The following CCDC93 variants were observed in gnomAD, a reference collection of about 807,000 sequenced individuals.
CCDC93 encodes the protein coiled-coil domain-containing protein 93.
A neutral mutation model predicts 108.2 loss-of-function variants in CCDC93; 61 were observed. The observed-to-expected ratio is 0.56, with a 90% CI of 0.46 to 0.70. CCDC93 has a LOEUF of 0.70. CCDC93 is among the 30% of genes least tolerant of loss of function. CCDC93 has a pLI of 0.00. For synonymous variants in CCDC93, 276 were observed against 260.4 expected, an observed-to-expected ratio of 1.06 and a Z score of -0.58; for missense variants, 685 against 764.2, an observed-to-expected ratio of 0.90 and a Z score of 1.22.
chr2:117,980,929 C>T (rs958785431), intron 7 of CCDC93, among the ~76,000 whole-genome samples: 1 of 152,278 alleles, frequency 6.6e-6, no homozygotes, highest in African/African-American at 2.4e-5. Flanking sequence ...CTGGAGATTT[C>T]ATAGAAATGA....
At position 117,996,122 on chromosome 2, in the gene CCDC93, G is replaced by A. The variant is rs139195129; in HGVS notation, c.462+142C>T. On this transcript the variant is annotated intron_variant, in intron 5 of 23. Transcript: ENST00000376300. ...AAAATTATAGAGCTTTGCACTCAGT[G>A]GCTATGTAAAGAAGCACTAATGATG... is the stretch of plus-strand genomic sequence containing the variant. 9 of 529,900 alleles carry A rather than the reference G, an allele frequency of 1.7e-5. No homozygotes were observed. The East Asian group carries it at 2.6e-4, about 16-fold the overall frequency. The allele number at this position is 529,900 out of a possible 1,614,324, so 32.8% of individuals were successfully genotyped here.
At chr2:117,951,172 C>G in intron 13 of CCDC93, 2 of 985,262 alleles carry the variant, frequency 2.0e-6, no homozygotes, top group Non-Finnish European at 2.4e-6. Context: ...TATACAAAGA[C>G]AGATCCACGA....
At chr2:117,950,506 A>G (rs1232771872) in intron 13 of CCDC93, 5 of 985,256 alleles carry the variant, frequency 5.1e-6, no homozygotes, top group African/African-American at 1.7e-5. Context: ...CTCCATGCCC[A>G]GCTCTACTTT....
At chr2:117,978,121 A>C in intron 7 of CCDC93, 91 bp from the exon 8 acceptor site, 4 of 1,142,960 alleles carry the variant, frequency 3.5e-6, no homozygotes, top group Non-Finnish European at 5.3e-6. Flanking sequence ...TACATGAAAA[A>C]CATCAAGAGA....
At chr2:117,985,424 G>T in intron 7 of CCDC93, 1 of 970,318 alleles carries the variant, frequency 1.0e-6, no homozygotes, top group Non-Finnish European at 1.2e-6. Context: ...GAGAATGCGT[G>T]ACATAAAAGG....
chr2:117,926,429 A>C (rs1183301897), intron 23 of CCDC93, among the ~76,000 whole-genome samples: 1 of 152,254 alleles, frequency 6.6e-6, no homozygotes, highest in African/African-American at 2.4e-5. Context: ...AAAAATAATA[A>C]AGGGGATATC....
intron 23 of CCDC93, among the ~76,000 whole-genome samples, chr2:117,921,223 C>T (rs1391468623): frequency 6.6e-6 from 1 of 150,674 alleles, no homozygotes; most frequent in African/African-American, 2.4e-5. Context: ...TAAAACCGAA[C>T]TGTATGAAAT....
At chr2:117,950,306 C>A (rs2104743207) in intron 13 of CCDC93, 1 of 985,226 alleles carries the variant, frequency 1.0e-6, no homozygotes, top group African/African-American at 1.7e-5. Context: ...TTAATAGTTA[C>A]AGAGCAAGCA....
At chr2:117,991,602 C>CGG (rs1680476828) in intron 6 of CCDC93, among the ~76,000 whole-genome samples, 1 of 152,174 alleles carries the variant, frequency 6.6e-6, no homozygotes, top group African/African-American at 2.4e-5. Flanking sequence ...TAACATATAA[C>CGG]TCCTGGAGTG....
chr2:117,969,595 C>T (rs951986420), intron 11 of CCDC93, among the ~76,000 whole-genome samples: 2 of 152,210 alleles, frequency 1.3e-5, no homozygotes, highest in Admixed American at 1.3e-4. Flanking sequence ...ATTAGCAAGG[C>T]ATTGATGTTG....
chr2:117,919,373 G>C lies in CCDC93; in HGVS notation c.*970C>G, dbSNP rs932024514. ...CTATCAACATCCGATTCTCCCTTTA[G>C]ATAGGGCTCAAATGCTGCCTCCTCC... On this transcript the variant is annotated 3_prime_UTR_variant, in exon 24 of 24. Coordinates refer to ENST00000376300, the MANE Select transcript of CCDC93 (RefSeq NM_019044.5). 2 of 152,154 alleles carry C rather than the reference G, an allele frequency of 1.3e-5. No homozygotes were observed. The highest frequency in any genetic ancestry group is 2.9e-5 in the Non-Finnish European group (2 of 68,088). 9.4% of individuals were successfully genotyped at this position (152,154 alleles called of 1,614,324 possible). A position where few individuals can be genotyped will look rare whatever the true frequency, so the allele number is the denominator to read the frequency against.
Position 117,970,911 on chromosome 2 carries a change from A to C in CCDC93, c.888+2997T>G, listed in dbSNP as rs199616355. On this transcript the variant is annotated intron_variant, in intron 11 of 23. Coordinates refer to ENST00000376300, the MANE Select transcript of CCDC93 (RefSeq NM_019044.5). ...GTAACACACAGAGGGAGTGATAACC[A>C]ATCATCCAACACCTAGAAAACCTCT... is the stretch of plus-strand genomic sequence containing the variant. Among the ~76,000 whole-genome samples the C allele has an allele frequency of 5.9e-5, 9 of 152,348 alleles. No homozygotes were observed. The East Asian group carries it at 1.5e-3, about 26-fold the overall frequency.
chr2:117,995,532 A>G, intron 5 of CCDC93, 30 bp from the exon 6 acceptor site: 3 of 1,573,050 alleles, frequency 1.9e-6, no homozygotes, highest in Non-Finnish European at 2.6e-6. Context: ...GATTAAACAA[A>G]TCCCAAGGGA....
chr2:118,006,335 G>A (rs534629738), intron 3 of CCDC93, among the ~76,000 whole-genome samples: 7 of 152,286 alleles, frequency 4.6e-5, no homozygotes, highest in African/African-American at 1.7e-4. Context: ...GTGAGCTGCT[G>A]TGCTACAAAA....
At chr2:117,986,109 G>A in intron 6 of CCDC93, 40 bp from the exon 7 acceptor site, 1 of 1,246,794 alleles carries the variant, frequency 8.0e-7, no homozygotes, top group Non-Finnish European at 1.2e-6. Context: ...GTGTGAGAAG[G>A]CTCTCCTCCT....
chr2:117,966,479 T>C lies in CCDC93; in HGVS notation c.888+7429A>G, dbSNP rs769561819. 3.3e-5 allele frequency among the ~76,000 whole-genome samples: 5 copies of C among 152,254 alleles called. No individual in the cohort carries two copies. In the South Asian group the frequency reaches 6.2e-4, roughly 19 times the overall value. On this transcript the variant is annotated intron_variant, in intron 11 of 23. Coordinates refer to ENST00000376300, the MANE Select transcript of CCDC93 (RefSeq NM_019044.5). The stretch of plus-strand genomic sequence containing the variant: ...GCTGATAAAGGCTCCCTTTTGCTTA[T>C]AGCAACATGCTGGGTAGAATTCCTA...
rs1677755834 is a variant in CCDC93 at position 117,918,381 on chromosome 2, C to T, written c.*1962G>A. 1 of 152,228 alleles carries T rather than the reference C, an allele frequency of 6.6e-6. No individual in the cohort carries two copies. Among genetic ancestry groups the T allele is most frequent in the South Asian group, 2.1e-4 (1 of 4,820 alleles). The allele number at this position is 152,228 out of a possible 1,614,324, so 9.4% of individuals were successfully genotyped here. A position where few individuals can be genotyped will look rare whatever the true frequency, so the allele number is the denominator to read the frequency against. On this transcript the variant is annotated 3_prime_UTR_variant, in exon 24 of 24. Transcript: ENST00000376300. Reference sequence around the variant, plus strand: ...TACCAAAACCAAACCAAATGAAACTCCTATGAAATACAGCTCAAAATAAAT... The same window carrying T: ...TACCAAAACCAAACCAAATGAAACTTCTATGAAATACAGCTCAAAATAAAT...
chr2:117,974,211 G>A (rs982481827), intron 10 of CCDC93, among the ~76,000 whole-genome samples: 1 of 152,124 alleles, frequency 6.6e-6, no homozygotes, highest in African/African-American at 2.4e-5. Context: ...AGCGGATGGT[G>A]CTAAATCCTC....
At chr2:117,936,675 G>T in intron 21 of CCDC93, 27 bp downstream of exon 21, 1 of 1,593,916 alleles carries the variant, frequency 6.3e-7, no homozygotes, top group Middle Eastern at 1.7e-4. Context: ...CAGGGTATTA[G>T]TGGGAAGGAG....
Sources: allele counts gnomAD v4.1 joint callset (sites outside exome capture counted in the v4.1 genomes callset), GRCh38; gene constraint gnomAD v4.1.1; transcripts MANE v1.5; gene names NCBI Gene and HGNC (gene_info 2026-07-23, HGNC 2026-07-21).